ZC2HC1B: variants seen among roughly 807,000 people sequenced by gnomAD.
The protein encoded by ZC2HC1B is zinc finger C2HC-type containing 1B, also known as zinc finger C2HC domain-containing protein 1B.
ZC2HC1B carries 36 observed loss-of-function variants against 31.0 expected under a neutral mutation model. The observed-to-expected ratio is 1.16, with a 90% CI of 0.89 to 1.54. The LOEUF (loss-of-function observed/expected upper bound fraction) is 1.54, where lower values mean the gene tolerates loss of function less well. Ranked by LOEUF, ZC2HC1B falls within the 40% of genes most tolerant of loss-of-function variation. The pLI is 0.00. For synonymous variants in ZC2HC1B, 73 were observed against 88.0 expected, an observed-to-expected ratio of 0.83 and a Z score of 0.95; for missense variants, 260 against 268.6, an observed-to-expected ratio of 0.97 and a Z score of 0.22.
intron 5 of ZC2HC1B, among the ~76,000 whole-genome samples, chr6:143,900,981 A>C (rs7775304): frequency 6.6e-6 from 1 of 150,938 alleles, no homozygotes; most frequent in East Asian, 2.0e-4. Context: ...TGGGATTACA[A>C]TCACCCACCA....
rs1255789084 is a variant in ZC2HC1B, at chr6:143,869,962, C to T, written c.28+5395C>T. Among the ~76,000 whole-genome samples, 1 of 152,208 alleles carries T rather than the reference C, an allele frequency of 6.6e-6. No individual in the cohort carries two copies. Among genetic ancestry groups the T allele is most frequent in the Non-Finnish European group, 1.5e-5 (1 of 68,040 alleles). On this transcript the variant is annotated intron_variant, in intron 1 of 7. Transcript: ENST00000237275. This position sits in a 1 kb window ranked among gnomAD's most constrained non-coding sequence, Gnocchi z 5.2. ...CTATCCACTTGATTATTAAAATCCT[C>T]CTCTGCTGAGGTCACCAGTTGGTGA...
chr6:143,932,636 C>T lies in ZC2HC1B; in HGVS notation c.599-5013C>T, dbSNP rs113916563. 7.4e-3 allele frequency among the ~76,000 whole-genome samples: 1,127 copies of T among 152,216 alleles called. 11 individuals carry two copies. The highest frequency in any genetic ancestry group is 0.026 in the African/African-American group (1,080 of 41,522). On this transcript the variant is annotated intron_variant, in intron 6 of 7. Coordinates refer to ENST00000237275, the MANE Select transcript of ZC2HC1B (RefSeq NM_001013623.3). ...TCTCCTTGAGTAGCTTAATAATCAGCCTTCTGAATTCTTTATCTGGCAGTT... is the reference window on the plus strand; with the variant it reads ...TCTCCTTGAGTAGCTTAATAATCAGTCTTCTGAATTCTTTATCTGGCAGTT...
rs953365161 is a variant in ZC2HC1B at position 143,883,361 on chromosome 6, C to T, written c.29-943C>T. 6.6e-6 allele frequency among the ~76,000 whole-genome samples: 1 copy of T among 152,144 alleles called. No individual in the cohort carries two copies. Reference sequence around the variant, plus strand: ...ACCCACCTGCAGCTTTTTCACTAAACTCCGCTCTTCTCCCACTATACTCGC... The same window carrying T: ...ACCCACCTGCAGCTTTTTCACTAAATTCCGCTCTTCTCCCACTATACTCGC... On this transcript the variant is annotated intron_variant, in intron 1 of 7. Coordinates refer to ENST00000237275, the MANE Select transcript of ZC2HC1B (RefSeq NM_001013623.3). This position sits in a 1 kb window ranked among gnomAD's most constrained non-coding sequence, Gnocchi z 4.1.
rs532843850 is a variant in ZC2HC1B, at chr6:143,908,745, C to T, written c.598+5593C>T. ...AAACAAAGATAGTTTGACTTCCTCTCTTCCTGTTGGAATCTTCTTTCTTTC... is the reference window on the plus strand; with the variant it reads ...AAACAAAGATAGTTTGACTTCCTCTTTTCCTGTTGGAATCTTCTTTCTTTC... On this transcript the variant is annotated intron_variant, in intron 6 of 7. Transcript: ENST00000237275. This position sits in a 1 kb window ranked among gnomAD's most constrained non-coding sequence, Gnocchi z 4.4. 3.3e-5 allele frequency among the ~76,000 whole-genome samples: 5 copies of T among 152,290 alleles called. 1 individual carries two copies. In the South Asian group the frequency reaches 6.2e-4, roughly 19 times the overall value.
chr6:143,928,346 C>T (rs551826734), intron 6 of ZC2HC1B, among the ~76,000 whole-genome samples: 17 of 152,266 alleles, frequency 1.1e-4, no homozygotes, highest in Admixed American at 3.3e-4. Flanking sequence ...ACAATTTTCC[C>T]AGCACCGTTT....
chr6:143,886,415 CTT>C lies in ZC2HC1B; in HGVS notation c.211-265_211-264del, dbSNP rs1299698168. ...AGCAATTAACCTGAGAAGAAAGTCA[CTT>C]TTAATCTACATTTGCTTTTCTTTAA... On this transcript the variant is annotated intron_variant, in intron 3 of 7. Transcript: ENST00000237275. This position sits in a 1 kb window ranked among gnomAD's most constrained non-coding sequence, Gnocchi z 4.2. Among the ~76,000 whole-genome samples, 1 of 152,162 alleles carries C rather than the reference CTT, an allele frequency of 6.6e-6. No individual in the cohort carries two copies. The highest frequency in any genetic ancestry group is 1.5e-5 in the Non-Finnish European group (1 of 68,028).
chr6:143,879,585 T>G (rs1027067896), intron 1 of ZC2HC1B, among the ~76,000 whole-genome samples: 5 of 152,204 alleles, frequency 3.3e-5, no homozygotes, highest in African/African-American at 1.2e-4. Context: ...TTCTGTGATT[T>G]GCAGGCATCT....
In ZC2HC1B at chr6:143,887,823, C is replaced by T. The variant is rs1417901650; in HGVS notation, c.349+1002C>T. ...ATATCAATATTAATCTTATCAGATACAATACATGATTTGCAAATATTGTCT... is the reference window on the plus strand; with the variant it reads ...ATATCAATATTAATCTTATCAGATATAATACATGATTTGCAAATATTGTCT... On this transcript the variant is annotated intron_variant, in intron 4 of 7. Coordinates refer to ENST00000237275, the MANE Select transcript of ZC2HC1B (RefSeq NM_001013623.3). The surrounding 1 kb of genome is among the most constrained non-coding windows in gnomAD (Gnocchi z 5.1). 8.6e-5 allele frequency among the ~76,000 whole-genome samples: 13 copies of T among 151,940 alleles called. No homozygotes were observed. Among genetic ancestry groups the T allele is most frequent in the Non-Finnish European group, 1.5e-5 (1 of 67,954 alleles).
In ZC2HC1B at chr6:143,886,173, G is replaced by C; in HGVS notation, c.210+22G>C. 6.6e-7 allele frequency: 1 copy of C among 1,505,544 alleles called. No individual in the cohort carries two copies. Among genetic ancestry groups the C allele is most frequent in the Non-Finnish European group, 8.8e-7 (1 of 1,131,254 alleles). The allele number at this position is 1,505,544 out of a possible 1,614,324, so 93.3% of individuals were successfully genotyped here. On this transcript the variant is annotated intron_variant, in intron 3 of 7. Transcript: ENST00000237275. This position sits in a 1 kb window ranked among gnomAD's most constrained non-coding sequence, Gnocchi z 4.2. ...CAAGGTACTCCTGATATCTTCTTTA[G>C]TGTTTGTTATTACATTCTGCGGTAC...
rs545843073 is a variant in ZC2HC1B at position 143,917,737 on chromosome 6, A to C, written c.598+14585A>C. Reference sequence around the variant, plus strand: ...TATAATGCAAATATTCCAAAATTTAAAAAAAAATCTGCAACACTTTGGTCC... The same window carrying C: ...TATAATGCAAATATTCCAAAATTTACAAAAAAATCTGCAACACTTTGGTCC... On this transcript the variant is annotated intron_variant, in intron 6 of 7. Coordinates refer to ENST00000237275, the MANE Select transcript of ZC2HC1B (RefSeq NM_001013623.3). This position sits in a 1 kb window ranked among gnomAD's most constrained non-coding sequence, Gnocchi z 4.1. Among the ~76,000 whole-genome samples, 1 of 152,238 alleles carries C rather than the reference A, an allele frequency of 6.6e-6. No homozygotes were observed. The highest frequency in any genetic ancestry group is 2.4e-5 in the African/African-American group (1 of 41,562).
At chr6:143,875,512 A>C (rs947678085) in intron 1 of ZC2HC1B, among the ~76,000 whole-genome samples, 1 of 150,792 alleles carries the variant, frequency 6.6e-6, no homozygotes, top group Admixed American at 6.6e-5. Context: ...AGTCTCTACT[A>C]GTGTCCCCAA....
chr6:143,901,178 T>C (rs2128495076), intron 5 of ZC2HC1B, among the ~76,000 whole-genome samples: 1 of 150,650 alleles, frequency 6.6e-6, no homozygotes, highest in Middle Eastern at 3.4e-3. Flanking sequence ...TGAAAAGAAG[T>C]GCAATGTAGA....
At chr6:143,920,069 T>G (rs1777970088) in intron 6 of ZC2HC1B, among the ~76,000 whole-genome samples, 2 of 152,176 alleles carry the variant, frequency 1.3e-5, no homozygotes. Flanking sequence ...TTTTCTAAAG[T>G]ACAATGCTTA....
chr6:143,914,150 G>A (rs116509018), intron 6 of ZC2HC1B, among the ~76,000 whole-genome samples: 1,755 of 150,236 alleles, frequency 0.012, 9 homozygotes, highest in African/African-American at 0.027. Context: ...TGTTCTTCTC[G>A]CATTCCTTAA....
rs188306896 is a variant in ZC2HC1B, at chr6:143,905,124, G to A, written c.598+1972G>A. Reference sequence around the variant, plus strand: ...AAGAAACATCATTGAGATTTTAACCGTGATTGCACTGAATCTGCAGATTGC... The same window carrying A: ...AAGAAACATCATTGAGATTTTAACCATGATTGCACTGAATCTGCAGATTGC... On this transcript the variant is annotated intron_variant, in intron 6 of 7. Transcript: ENST00000237275. The surrounding 1 kb of genome is among the most constrained non-coding windows in gnomAD (Gnocchi z 4.2). Among the ~76,000 whole-genome samples, 28 of 152,258 alleles carry A rather than the reference G, an allele frequency of 1.8e-4. No homozygotes were observed. The highest frequency in any genetic ancestry group is 4.1e-4 in the African/African-American group (17 of 41,566).
In ZC2HC1B at chr6:143,870,140, T is replaced by G. The variant is rs1777318882; in HGVS notation, c.28+5573T>G. Among the ~76,000 whole-genome samples, 1 of 152,198 alleles carries G rather than the reference T, an allele frequency of 6.6e-6. No homozygotes were observed. The highest frequency in any genetic ancestry group is 2.4e-5 in the African/African-American group (1 of 41,458). On this transcript the variant is annotated intron_variant, in intron 1 of 7. Transcript: ENST00000237275. The surrounding 1 kb of genome is among the most constrained non-coding windows in gnomAD (Gnocchi z 4.7). The stretch of plus-strand genomic sequence containing the variant: ...CAGCCAAACTACTGGCAACAGCCCA[T>G]GAATCAGTATATAATTGCACATCTG...
At position 143,934,072 on chromosome 6, in the gene ZC2HC1B, A is replaced by G. The variant is rs754596786; in HGVS notation, c.599-3577A>G. Reference sequence around the variant, plus strand: ...TGCTGCTTCTACTTTTACATTTCACAGCAAATCAATTTCAGCTCTAGGTAA... The same window carrying G: ...TGCTGCTTCTACTTTTACATTTCACGGCAAATCAATTTCAGCTCTAGGTAA... On this transcript the variant is annotated intron_variant, in intron 6 of 7. Coordinates refer to ENST00000237275, the MANE Select transcript of ZC2HC1B (RefSeq NM_001013623.3). This position sits in a 1 kb window ranked among gnomAD's most constrained non-coding sequence, Gnocchi z 4.6. Among the ~76,000 whole-genome samples, 4 of 152,180 alleles carry G rather than the reference A, an allele frequency of 2.6e-5. No individual in the cohort carries two copies. Among genetic ancestry groups the G allele is most frequent in the African/African-American group, 9.7e-5 (4 of 41,446 alleles).
At position 143,934,357 on chromosome 6, in the gene ZC2HC1B, C is replaced by T. The variant is rs1778153656; in HGVS notation, c.599-3292C>T. Among the ~76,000 whole-genome samples, 1 of 152,236 alleles carries T rather than the reference C, an allele frequency of 6.6e-6. No homozygotes were observed. Among genetic ancestry groups the T allele is most frequent in the South Asian group, 2.1e-4 (1 of 4,824 alleles). On this transcript the variant is annotated intron_variant, in intron 6 of 7. Transcript: ENST00000237275. This position sits in a 1 kb window ranked among gnomAD's most constrained non-coding sequence, Gnocchi z 4.6. ...GTTCTGTCCATCCAAGTGGGAGCTA[C>T]TTATCAGCCCTGTCCCCTATCTGCC...
In ZC2HC1B at chr6:143,883,751, T is replaced by C. The variant is rs941963605; in HGVS notation, c.29-553T>C. On this transcript the variant is annotated intron_variant, in intron 1 of 7. Coordinates refer to ENST00000237275, the MANE Select transcript of ZC2HC1B (RefSeq NM_001013623.3). The surrounding 1 kb of genome is among the most constrained non-coding windows in gnomAD (Gnocchi z 4.1). ...GTCCCATGTATGATTTCTCCCAATA[T>C]TTCCACAGAATTGCATATAGCCAAT... is the stretch of plus-strand genomic sequence containing the variant. Among the ~76,000 whole-genome samples the C allele has an allele frequency of 1.3e-5, 2 of 152,368 alleles. No homozygotes were observed. Among genetic ancestry groups the C allele is most frequent in the African/African-American group, 4.8e-5 (2 of 41,598 alleles).
Sources: gnomAD v4.1 joint callset for allele counts (sites outside exome capture counted in the v4.1 genomes callset) on GRCh38, gnomAD v4.1.1 for gene constraint, Gnocchi (gnomAD v3.1) non-coding constraint, MANE v1.5 for transcripts, NCBI Gene and HGNC (gene_info 2026-07-23, HGNC 2026-07-21) for gene names.